The following NYAP2 variants were observed in gnomAD, a reference collection of about 807,000 sequenced individuals.
The protein encoded by NYAP2 is neuronal tyrosine-phosphorylated phosphoinositide-3-kinase adapter 2.
A neutral mutation model predicts 50.4 loss-of-function variants in NYAP2; 23 were observed. That is an observed-to-expected ratio of 0.46 (90% CI 0.33 to 0.65). The LOEUF is 0.65. Ranked by LOEUF, NYAP2 falls within the 30% of genes least tolerant of loss-of-function variation. NYAP2 has a pLI of 0.02. For synonymous variants in NYAP2, 394 were observed against 365.2 expected, an observed-to-expected ratio of 1.08 and a Z score of -0.90; for missense variants, 885 against 861.0, an observed-to-expected ratio of 1.03 and a Z score of -0.35.
chr2:225,466,928 T>C (rs989278119), intron 3 of NYAP2, among the ~76,000 whole-genome samples: 3 of 152,154 alleles, frequency 2.0e-5, no homozygotes, highest in Non-Finnish European at 4.4e-5. Context: ...TTTATTAAAA[T>C]GCTTTAGAGC....
chr2:225,405,694 T>C (rs548902776), intron 2 of NYAP2, among the ~76,000 whole-genome samples: 1 of 151,940 alleles, frequency 6.6e-6, no homozygotes, highest in African/African-American at 2.4e-5. Context: ...AGAAACACTT[T>C]GGGCTTGGAA....
chr2:225,512,858 TTCCTTC>T (rs1459115204), intron 3 of NYAP2, among the ~76,000 whole-genome samples: 9,038 of 102,026 alleles, frequency 0.089, 451 homozygotes, highest in Middle Eastern at 0.15. Flanking sequence ...TCTTTCTTCC[TTCCTTC>T]CTTCCTTCCT....
intron 6 of NYAP2, among the ~76,000 whole-genome samples, chr2:225,644,285 G>A (rs1242488404): frequency 2.0e-5 from 3 of 152,130 alleles, no homozygotes; most frequent in Non-Finnish European, 4.4e-5. Flanking sequence ...TTTTGATGGG[G>A]TTGTTTGTTT....
intron 4 of NYAP2, among the ~76,000 whole-genome samples, chr2:225,572,569 AC>A (rs1692092368): frequency 6.6e-6 from 1 of 152,220 alleles, no homozygotes; most frequent in African/African-American, 2.4e-5. Context: ...ATTACTTCTC[AC>A]CGGTTCCCTC....
chr2:225,500,280 T>A (rs529290980), intron 3 of NYAP2, among the ~76,000 whole-genome samples: 12 of 152,348 alleles, frequency 7.9e-5, no homozygotes, highest in African/African-American at 2.6e-4. Flanking sequence ...TGCAGAGTTA[T>A]CTTAAGAAGG....
At chr2:225,683,703 A>G in the NYAP2 span, among the ~76,000 whole-genome samples, 1 of 151,988 alleles carries the variant, frequency 6.6e-6, no homozygotes, top group Admixed American at 6.6e-5. Flanking sequence ...TTTTTTGGCA[A>G]TGGGTAAACA....
intron 2 of NYAP2, 144 bp from the exon 3 acceptor site, chr2:225,408,720 T>C (rs1694979786): frequency 3.6e-6 from 2 of 559,096 alleles, no homozygotes; most frequent in Admixed American, 6.6e-5. Flanking sequence ...CTTCAAATAT[T>C]GTGGTTGTAA....
At chr2:225,421,957 T>C (rs1171166619) in intron 3 of NYAP2, among the ~76,000 whole-genome samples, 3 of 152,232 alleles carry the variant, frequency 2.0e-5, no homozygotes, top group Non-Finnish European at 2.9e-5. Flanking sequence ...GATTTGTTTT[T>C]TTCTTCTTCT....
intron 4 of NYAP2, among the ~76,000 whole-genome samples, chr2:225,574,069 T>A (rs1464560260): frequency 6.6e-6 from 1 of 152,156 alleles, no homozygotes; most frequent in Non-Finnish European, 1.5e-5. Context: ...AAAAGTTTCA[T>A]GACATGGCAA....
At chr2:225,479,901 A>G (rs998999565) in intron 3 of NYAP2, among the ~76,000 whole-genome samples, 3 of 152,208 alleles carry the variant, frequency 2.0e-5, no homozygotes, top group South Asian at 4.1e-4. Flanking sequence ...GCAAAATAGT[A>G]TTGCACCTCC....
At chr2:225,627,693 TACCTTTAAATGTC>T (rs1157294216) in intron 6 of NYAP2, among the ~76,000 whole-genome samples, 1 of 152,236 alleles carries the variant, frequency 6.6e-6, no homozygotes, top group Non-Finnish European at 1.5e-5. Flanking sequence ...TAATAGAATG[TACCTTTAAATGTC>T]ACAAGTTAAA....
intron 5 of NYAP2, among the ~76,000 whole-genome samples, chr2:225,599,058 C>T (rs1013303941): frequency 2.0e-5 from 3 of 151,718 alleles, no homozygotes; most frequent in Admixed American, 1.3e-4. Context: ...ACACCTCCTT[C>T]TCTCTCTCTC....
At chr2:225,542,005 G>C (rs1691480923) in intron 4 of NYAP2, among the ~76,000 whole-genome samples, 1 of 151,730 alleles carries the variant, frequency 6.6e-6, no homozygotes, top group South Asian at 2.1e-4. Flanking sequence ...TTAATTCTTT[G>C]CTTAATTCCT....
At chr2:225,672,395 C>T in the NYAP2 span, among the ~76,000 whole-genome samples, 21 of 152,118 alleles carry the variant, frequency 1.4e-4, no homozygotes, top group Admixed American at 3.9e-4. Context: ...CTTCAGCCTT[C>T]GTATAACTGA....
intron 3 of NYAP2, among the ~76,000 whole-genome samples, chr2:225,506,091 T>C (rs1690699938): frequency 6.6e-6 from 1 of 152,164 alleles, no homozygotes; most frequent in Non-Finnish European, 1.5e-5. Context: ...GGAATTTCCA[T>C]TGCAAAGATA....
At chr2:225,490,339 C>T (rs1362899577) in intron 3 of NYAP2, among the ~76,000 whole-genome samples, 1 of 152,186 alleles carries the variant, frequency 6.6e-6, no homozygotes, top group Admixed American at 6.5e-5. Context: ...TCTTGTTTGA[C>T]TCCTTTAGCA....
At chr2:225,638,318 G>A (rs1159230683) in intron 6 of NYAP2, among the ~76,000 whole-genome samples, 1 of 151,956 alleles carries the variant, frequency 6.6e-6, no homozygotes, top group African/African-American at 2.4e-5. Flanking sequence ...GACTTTAATG[G>A]AACCATTCAG....
chr2:225,666,731 T>C, the NYAP2 span, among the ~76,000 whole-genome samples: 1 of 152,132 alleles, frequency 6.6e-6, no homozygotes, highest in Non-Finnish European at 1.5e-5. Context: ...TGTTTCTTAT[T>C]TGGACCTTTA....
Position 225,582,844 on chromosome 2 carries a change from C to T in NYAP2, c.1427C>T (p.Thr476Ile), listed in dbSNP as rs199867716. Reference sequence around the variant, plus strand: ...AGCTCTCCTTCAGTGCCTCACTCGACCCCCAGACCCGTGTCGCAAGATGGG... The same window carrying T: ...AGCTCTCCTTCAGTGCCTCACTCGATCCCCAGACCCGTGTCGCAAGATGGG... The change falls in exon 5 of 7, where the codon ACC becomes ATC. Residue 476 changes from threonine (T) to isoleucine (I), a missense_variant. Thr to Ile is a moderately conservative substitution (Grantham distance 89, BLOSUM62 -1). Coordinates refer to ENST00000636099, the Ensembl canonical transcript of NYAP2. This position sits in a 1 kb window ranked among gnomAD's most constrained non-coding sequence, Gnocchi z 7.0. The T allele has an allele frequency of 2.0e-5, 32 of 1,613,840 alleles. No individual in the cohort carries two copies. The African/African-American group carries it at 2.8e-4, about 14-fold the overall frequency.
Sources: gnomAD v4.1 joint callset for allele counts (sites outside exome capture counted in the v4.1 genomes callset) on GRCh38, gnomAD v4.1.1 for gene constraint, Gnocchi (gnomAD v3.1) non-coding constraint, MANE v1.5 for transcripts, NCBI Gene and HGNC (gene_info 2026-07-23, HGNC 2026-07-21) for gene names.